Variants in GPR137B observed in about 807,000 individuals in gnomAD.
The protein encoded by GPR137B is G protein-coupled receptor 137B.
In GPR137B, 42 loss-of-function variants were observed where a neutral mutation model predicts 42.5. The observed-to-expected ratio is 0.99, with a 90% CI of 0.77 to 1.28. The LOEUF (loss-of-function observed/expected upper bound fraction) is 1.28. Among genes scored for constraint, GPR137B ranks in the 50% most tolerant of loss-of-function variants. GPR137B has a pLI of 0.00. For missense variants in GPR137B, 487 were observed against 493.9 expected (o/e 0.99, Z 0.13); for synonymous variants, 218 against 209.7 (o/e 1.04, Z -0.34).
At chr1:236,167,739 A>C (rs1662402462) in intron 1 of GPR137B, among the ~76,000 whole-genome samples, 1 of 152,154 alleles carries the variant, frequency 6.6e-6, no homozygotes, top group African/African-American at 2.4e-5. Context: ...TAGTCCCCAG[A>C]GACCCCCCAC....
At chr1:236,186,343 TATATA>T (rs1489025999) in intron 5 of GPR137B, among the ~76,000 whole-genome samples, 1 of 115,302 alleles carries the variant, frequency 8.7e-6, no homozygotes, top group Non-Finnish European at 1.7e-5. Context: ...TTATATATAT[TATATA>T]ATATATATTA....
intron 2 of GPR137B, among the ~76,000 whole-genome samples, chr1:236,172,994 C>G (rs145089924): frequency 3.3e-5 from 5 of 151,472 alleles, no homozygotes; most frequent in Non-Finnish European, 7.4e-5. Flanking sequence ...GCCTGGCATG[C>G]TTTTCCCTTT....
At chr1:236,191,457 G>A (rs1466482274) in intron 5 of GPR137B, among the ~76,000 whole-genome samples, 1 of 152,120 alleles carries the variant, frequency 6.6e-6, no homozygotes, top group African/African-American at 2.4e-5. Context: ...TTTTGTGCTG[G>A]TTTCTCCCTA....
At position 236,178,591 on chromosome 1, in the gene GPR137B, C is replaced by T; in HGVS notation, c.642C>T (p.Tyr214=). 3 of 1,612,686 alleles carry T rather than the reference C, an allele frequency of 1.9e-6. No homozygotes were observed. Among genetic ancestry groups the T allele is most frequent in the Non-Finnish European group, 2.5e-6 (3 of 1,179,766 alleles). The change falls in exon 3 of 7, where the codon TAC becomes TAT. Residue 214 remains tyrosine (Y), a synonymous_variant. Coordinates refer to ENST00000366592, the MANE Select transcript of GPR137B (RefSeq NM_003272.4). ...LCAVSLSICL[Y]KISKMSLANI... Reference sequence around the variant, plus strand: ...CCGTCTCTCTCTCCATCTGTCTCTACAAAATCTCTAAGATGTCCTTAGCCA... The same window carrying T: ...CCGTCTCTCTCTCCATCTGTCTCTATAAAATCTCTAAGATGTCCTTAGCCA...
chr1:236,153,896 T>C (rs1008747791), intron 1 of GPR137B, among the ~76,000 whole-genome samples: 7 of 152,208 alleles, frequency 4.6e-5, no homozygotes, highest in African/African-American at 1.7e-4. Flanking sequence ...AATCAAAATA[T>C]TTCCCAAACA....
chr1:236,143,298 C>T (rs960564634), intron 1 of GPR137B, among the ~76,000 whole-genome samples: 8 of 152,268 alleles, frequency 5.3e-5, no homozygotes, highest in Non-Finnish European at 2.9e-5. Flanking sequence ...CCCCTGGCTC[C>T]GCATCGTGCG....
chr1:236,159,413 C>G (rs1211341886), intron 1 of GPR137B, among the ~76,000 whole-genome samples: 1 of 152,052 alleles, frequency 6.6e-6, no homozygotes, highest in African/African-American at 2.4e-5. Flanking sequence ...TGCCTGTAAT[C>G]CCAGCACTTT....
At chr1:236,158,079 C>T (rs1321870540) in intron 1 of GPR137B, among the ~76,000 whole-genome samples, 1 of 152,152 alleles carries the variant, frequency 6.6e-6, no homozygotes, top group Non-Finnish European at 1.5e-5. Context: ...GAGCAAATGG[C>T]ACCAGGAGGG....
chr1:236,180,325 C>T (rs1325432387), intron 4 of GPR137B: 2 of 267,530 alleles, frequency 7.5e-6, no homozygotes, highest in Admixed American at 5.1e-5. Flanking sequence ...ATTTTTGATC[C>T]GTGGATGGTT....
At position 236,171,421 on chromosome 1, in the gene GPR137B, G is replaced by T. The variant is rs1333633827; in HGVS notation, c.464+2666G>T. Among the ~76,000 whole-genome samples the T allele has an allele frequency of 6.6e-6, 1 of 152,186 alleles. No homozygotes were observed. Among genetic ancestry groups the T allele is most frequent in the Non-Finnish European group, 1.5e-5 (1 of 68,030 alleles). On this transcript the variant is annotated intron_variant, in intron 2 of 6. Transcript: ENST00000366592. This position sits in a 1 kb window ranked among gnomAD's most constrained non-coding sequence, Gnocchi z 4.4. ...AAAGCATGAGTGAAGATGGGCATAG[G>T]AGGAGAACATTCTGTCTGATCGGAC...
At chr1:236,207,281 G>T in intron 6 of GPR137B, 1 of 985,244 alleles carries the variant, frequency 1.0e-6, no homozygotes, top group African/African-American at 1.7e-5. Flanking sequence ...TGTAAAGAAC[G>T]TAAGCTGGAA....
At chr1:236,165,095 G>C (rs1207111178) in intron 1 of GPR137B, among the ~76,000 whole-genome samples, 1 of 152,176 alleles carries the variant, frequency 6.6e-6, no homozygotes, top group Non-Finnish European at 1.5e-5. Flanking sequence ...AGAGGAGACA[G>C]GGTTTCACCA....
rs1662478560 is a variant in GPR137B at position 236,169,786 on chromosome 1, TC to T, written c.464+1034del. On this transcript the variant is annotated intron_variant, in intron 2 of 6. Coordinates refer to ENST00000366592, the MANE Select transcript of GPR137B (RefSeq NM_003272.4). ...TGGGCACGGTGGCTCACGCCTGTAATCCCAGCACTTTGGGAGGCCGAGGTGG... is the reference window on the plus strand; with the variant it reads ...TGGGCACGGTGGCTCACGCCTGTAATCCAGCACTTTGGGAGGCCGAGGTGG... Among the ~76,000 whole-genome samples the T allele has an allele frequency of 2.0e-5, 3 of 152,180 alleles. No individual in the cohort carries two copies. In the South Asian group the frequency reaches 6.2e-4, roughly 32 times the overall value.
At chr1:236,195,403 T>G (rs945787507) in intron 5 of GPR137B, among the ~76,000 whole-genome samples, 6 of 152,138 alleles carry the variant, frequency 3.9e-5, no homozygotes, top group African/African-American at 1.4e-4. Flanking sequence ...CATAATCATC[T>G]CCAGTTCATC....
chr1:236,205,277 G>A (rs1466660429), intron 6 of GPR137B, 27 bp downstream of exon 6: 1 of 1,598,952 alleles, frequency 6.3e-7, no homozygotes, highest in South Asian at 1.1e-5. Context: ...TGTTAGACAA[G>A]CCTCATCAGG....
intron 1 of GPR137B, among the ~76,000 whole-genome samples, chr1:236,151,885 T>G (rs1177816536): frequency 6.6e-6 from 1 of 152,152 alleles, no homozygotes; most frequent in Non-Finnish European, 1.5e-5. Flanking sequence ...TGCCACAGCT[T>G]CTTTGTAGCT....
intron 1 of GPR137B, among the ~76,000 whole-genome samples, chr1:236,167,497 T>C (rs750765891): frequency 1.3e-5 from 2 of 152,058 alleles, no homozygotes; most frequent in Non-Finnish European, 2.9e-5. Context: ...ACAGTGGTGG[T>C]TGTCAGGGGC....
rs902335678 is a variant in GPR137B at position 236,155,693 on chromosome 1, C to T, written c.414+12657C>T. Among the ~76,000 whole-genome samples, 2 of 151,968 alleles carry T rather than the reference C, an allele frequency of 1.3e-5. No individual in the cohort carries two copies. Among genetic ancestry groups the T allele is most frequent in the African/African-American group, 2.4e-5 (1 of 41,398 alleles). ...AGTTTATGAGGCTCAGGGAGGCTCT[C>T]GTGAGCCGATGGAGGGGTGGAGGAG... On this transcript the variant is annotated intron_variant, in intron 1 of 6. Transcript: ENST00000366592. The surrounding 1 kb of genome is among the most constrained non-coding windows in gnomAD (Gnocchi z 4.6).
chr1:236,149,288 G>C (rs950959358), intron 1 of GPR137B, among the ~76,000 whole-genome samples: 4 of 152,178 alleles, frequency 2.6e-5, no homozygotes, highest in African/African-American at 9.7e-5. Flanking sequence ...AAGGCACTGG[G>C]GGTCCAGCAG....
Sources: gnomAD v4.1 joint callset for allele counts (sites outside exome capture counted in the v4.1 genomes callset) on GRCh38, gnomAD v4.1.1 for gene constraint, Gnocchi (gnomAD v3.1) non-coding constraint, MANE v1.5 for transcripts, NCBI Gene and HGNC (gene_info 2026-07-23, HGNC 2026-07-21) for gene names.